SLC14A2: variants seen among roughly 807,000 people sequenced by gnomAD.
The protein encoded by SLC14A2 is urea transporter 2.
Under a neutral mutation model 104.6 loss-of-function variants are expected in SLC14A2, and 91 were observed. The ratio of observed to expected loss-of-function variants is 0.87; its 90% CI spans 0.73 to 1.04. The LOEUF is 1.04. Ranked by LOEUF, SLC14A2 falls within the 50% of genes least tolerant of loss-of-function variation. The pLI, the probability that SLC14A2 is intolerant of heterozygous loss-of-function variation, is 0.00. For missense variants in SLC14A2, 1,189 were observed against 1,156.0 expected (o/e 1.03, Z -0.41); for synonymous variants, 476 against 466.4 (o/e 1.02, Z -0.27).
intron 1 of SLC14A2, among the ~76,000 whole-genome samples, chr18:45,479,701 C>A (rs909450829): frequency 5.3e-5 from 8 of 152,094 alleles, no homozygotes; most frequent in African/African-American, 1.4e-4. Flanking sequence ...CTTTGTCTTA[C>A]TTCTAAAATT....
chr18:45,672,026 C>T (rs559089026), intron 16 of SLC14A2, among the ~76,000 whole-genome samples: 14 of 152,248 alleles, frequency 9.2e-5, no homozygotes, highest in South Asian at 4.2e-4. Context: ...AGATGGAGCA[C>T]GGAATCAAGC....
At chr18:45,566,247 T>C (rs1206322099) in intron 2 of SLC14A2, among the ~76,000 whole-genome samples, 1 of 152,156 alleles carries the variant, frequency 6.6e-6, no homozygotes, top group Non-Finnish European at 1.5e-5. Flanking sequence ...AAACTGAGGC[T>C]TGGAGAAGTT....
At chr18:45,191,756 C>T in the SLC14A2 span, among the ~76,000 whole-genome samples, 1 of 152,220 alleles carries the variant, frequency 6.6e-6, no homozygotes, top group African/African-American at 2.4e-5. Flanking sequence ...CAAGCAGACA[C>T]CCCTGGGTGT....
chr18:45,357,807 G>T (rs894524043), intron 1 of SLC14A2, among the ~76,000 whole-genome samples: 2 of 152,148 alleles, frequency 1.3e-5, no homozygotes, highest in African/African-American at 2.4e-5. Flanking sequence ...CTGAAAAAAG[G>T]CTCATTCCCT....
intron 2 of SLC14A2, among the ~76,000 whole-genome samples, chr18:45,582,237 C>G (rs2044503245): frequency 6.6e-6 from 1 of 152,156 alleles, no homozygotes; most frequent in Non-Finnish European, 1.5e-5. Context: ...GCCTCCACCT[C>G]TAGCATTTAA....
intron 2 of SLC14A2, among the ~76,000 whole-genome samples, chr18:45,569,897 C>G (rs925662866): frequency 1.3e-5 from 2 of 152,182 alleles, no homozygotes; most frequent in South Asian, 2.1e-4. Flanking sequence ...AGCCTACCCC[C>G]CTTCATTCTT....
At chr18:45,567,779 G>A (rs2044288189) in intron 2 of SLC14A2, among the ~76,000 whole-genome samples, 1 of 152,078 alleles carries the variant, frequency 6.6e-6, no homozygotes, top group Admixed American at 6.6e-5. Flanking sequence ...AGTCAAAATG[G>A]TCAGTATTCA....
At chr18:45,477,947 G>C (rs944028140) in intron 1 of SLC14A2, among the ~76,000 whole-genome samples, 1 of 152,212 alleles carries the variant, frequency 6.6e-6, no homozygotes, top group Non-Finnish European at 1.5e-5. Context: ...CGCTGACCTA[G>C]ACCACTTGGC....
chr18:45,382,809 CCT>C (rs1230669429), intron 1 of SLC14A2, among the ~76,000 whole-genome samples: 1 of 152,150 alleles, frequency 6.6e-6, no homozygotes, highest in Non-Finnish European at 1.5e-5. Context: ...TGTAGATATC[CCT>C]TTTTTCTATG....
chr18:45,285,662 C>CG (rs2084806196), intron 1 of SLC14A2, among the ~76,000 whole-genome samples: 1 of 7,158 alleles, frequency 1.4e-4, no homozygotes, highest in South Asian at 4.0e-3. Flanking sequence ...AGGTGATCTG[C>CG]CCCCCCCCCC....
At chr18:45,420,433 C>T (rs752960764) in intron 1 of SLC14A2, among the ~76,000 whole-genome samples, 4 of 152,058 alleles carry the variant, frequency 2.6e-5, no homozygotes, top group Admixed American at 1.3e-4. Flanking sequence ...CAGATCCACA[C>T]GAGGATGGTG....
chr18:45,264,367 G>T (rs1160627630), intron 1 of SLC14A2, among the ~76,000 whole-genome samples: 1 of 152,004 alleles, frequency 6.6e-6, no homozygotes, highest in African/African-American at 2.4e-5. Flanking sequence ...AAACTATAAG[G>T]CACATAAAGT....
Position 45,215,621 on chromosome 18 carries a change from T to C in SLC14A2, c.-125+2430T>C, listed in dbSNP as rs1438591679. Among the ~76,000 whole-genome samples the C allele has an allele frequency of 3.3e-5, 5 of 152,200 alleles. No individual in the cohort carries two copies. The East Asian group carries it at 9.6e-4, about 29-fold the overall frequency. ...GAGAAGTTCTAGGGGTTTTCTTCCATAGGAGAGAGATGCTCAAACATTTTT... is the reference window on the plus strand; with the variant it reads ...GAGAAGTTCTAGGGGTTTTCTTCCACAGGAGAGAGATGCTCAAACATTTTT... On this transcript the variant is annotated intron_variant, in intron 1 of 20. Coordinates refer to the SLC14A2 transcript ENST00000586448.
intron 2 of SLC14A2, among the ~76,000 whole-genome samples, chr18:45,541,961 A>ACAG (rs1457467290): frequency 6.8e-6 from 1 of 147,948 alleles, no homozygotes; most frequent in Non-Finnish European, 1.5e-5. Flanking sequence ...CCTCTTGCTG[A>ACAG]CAGCAGGCTA....
At chr18:45,378,948 A>G (rs79448505) in intron 1 of SLC14A2, among the ~76,000 whole-genome samples, 5,252 of 152,262 alleles carry the variant, frequency 0.034, 115 homozygotes, top group Non-Finnish European at 0.044. Flanking sequence ...TTATGGTGAA[A>G]AGATACCTGA....
chr18:45,217,267 T>C (rs1008417488), intron 1 of SLC14A2, among the ~76,000 whole-genome samples: 2 of 148,598 alleles, frequency 1.3e-5, no homozygotes, highest in African/African-American at 4.9e-5. Flanking sequence ...ATAATATACA[T>C]ATATTACATA....
chr18:45,249,970 G>T (rs192635584), intron 1 of SLC14A2, among the ~76,000 whole-genome samples: 1 of 151,974 alleles, frequency 6.6e-6, no homozygotes, highest in Admixed American at 6.6e-5. Context: ...AAAAAATGTT[G>T]AATTCATTCT....
chr18:45,233,808 A>C, intron 1 of SLC14A2, among the ~76,000 whole-genome samples: 1 of 102,296 alleles, frequency 9.8e-6, no homozygotes, highest in Non-Finnish European at 1.9e-5. Context: ...CCCCCACCTA[A>C]AAGCATTTGC....
chr18:45,489,590 CAA>C (rs1316278262), intron 2 of SLC14A2, among the ~76,000 whole-genome samples: 4 of 152,032 alleles, frequency 2.6e-5, no homozygotes, highest in African/African-American at 4.8e-5. Flanking sequence ...AATTGAGATT[CAA>C]AGAGTTTAAG....
Sources: allele counts gnomAD v4.1 joint callset (sites outside exome capture counted in the v4.1 genomes callset), GRCh38; gene constraint gnomAD v4.1.1; transcripts MANE v1.5; gene names NCBI Gene and HGNC (gene_info 2026-07-23, HGNC 2026-07-21).